ACACA: variants seen among roughly 807,000 people sequenced by gnomAD.
The protein encoded by ACACA is acetyl-CoA carboxylase alpha.
Under a neutral mutation model 296.1 loss-of-function variants are expected in ACACA, and 103 were observed. The observed-to-expected ratio is 0.35, with a 90% CI of 0.30 to 0.41. The LOEUF (loss-of-function observed/expected upper bound fraction) is 0.41. Ranked by LOEUF, ACACA falls within the 10% of genes least tolerant of loss-of-function variation. The probability of loss-of-function intolerance (pLI) is 1.00; values close to 1 mark genes in which losing one functional copy is unlikely to be tolerated. For synonymous variants in ACACA, 953 were observed against 1,038.6 expected (o/e 0.92, Z 1.58); for missense variants, 1,554 against 2,989.7 (o/e 0.52, Z 11.20).
At chr17:37,157,492 T>A (rs945753602) in intron 42 of ACACA, among the ~76,000 whole-genome samples, 5 of 151,944 alleles carry the variant, frequency 3.3e-5, no homozygotes, top group Admixed American at 1.3e-4. Context: ...TGGAGAAAAA[T>A]TTTGTGATCT....
At chr17:37,239,371 T>C (rs949767545) in intron 24 of ACACA, among the ~76,000 whole-genome samples, 13 of 152,234 alleles carry the variant, frequency 8.5e-5, no homozygotes, top group African/African-American at 2.9e-4. Flanking sequence ...CTTTTCCTTG[T>C]CTTACTGCAC....
At chr17:37,308,017 C>T (rs887355453) in intron 3 of ACACA, among the ~76,000 whole-genome samples, 3 of 151,948 alleles carry the variant, frequency 2.0e-5, no homozygotes, top group African/African-American at 7.3e-5. Flanking sequence ...CCTATAATCA[C>T]CAACTGCAAC....
At chr17:37,247,581 G>A (rs1404642162) in intron 18 of ACACA, among the ~76,000 whole-genome samples, 1 of 151,966 alleles carries the variant, frequency 6.6e-6, no homozygotes, top group African/African-American at 2.4e-5. Context: ...TGGCCACACC[G>A]GTCTTGAACT....
chr17:37,314,197 G>A (rs1171019929), intron 3 of ACACA, among the ~76,000 whole-genome samples: 1 of 150,792 alleles, frequency 6.6e-6, no homozygotes, highest in Admixed American at 6.7e-5. Context: ...CTGCCTCACG[G>A]GTTCACACTA....
chr17:37,330,517 G>A, intron 2 of ACACA, 92 bp from the exon 3 acceptor site: 1 of 1,538,566 alleles, frequency 6.5e-7, no homozygotes, highest in Non-Finnish European at 8.9e-7. Context: ...AACCATAGCT[G>A]AGACGTGGAA....
rs146494298 is a variant in ACACA at position 37,198,962 on chromosome 17, G to A, written c.4158+1177C>T. On this transcript the variant is annotated intron_variant, in intron 35 of 55. Transcript: ENST00000616317. Reference sequence around the variant, plus strand: ...TTGCTAAAACCAAACCAAACAGGCTGGGCACAGTGGCTCATGCCTGTAATC... The same window carrying A: ...TTGCTAAAACCAAACCAAACAGGCTAGGCACAGTGGCTCATGCCTGTAATC... Among the ~76,000 whole-genome samples, 26 of 152,296 alleles carry A rather than the reference G, an allele frequency of 1.7e-4. No homozygotes were observed. The East Asian group carries it at 5.0e-3, about 29-fold the overall frequency.
At chr17:37,111,969 A>AAAATGCT (rs2073995614) in intron 51 of ACACA, among the ~76,000 whole-genome samples, 1 of 152,182 alleles carries the variant, frequency 6.6e-6, no homozygotes, top group African/African-American at 2.4e-5. Context: ...CCAGGGGAAA[A>AAAATGCT]AAATGCTGTA....
At chr17:37,279,889 A>G (rs1268442048) in intron 5 of ACACA, among the ~76,000 whole-genome samples, 2 of 152,084 alleles carry the variant, frequency 1.3e-5, no homozygotes, top group Non-Finnish European at 2.9e-5. Context: ...TATGTTTAAT[A>G]TTTTTTATGG....
chr17:37,386,101 G>A, intron 1 of ACACA: 1 of 1,588,476 alleles, frequency 6.3e-7, no homozygotes, highest in Non-Finnish European at 8.6e-7. Flanking sequence ...TGGGAATAAA[G>A]AAGGAGAGAA....
chr17:37,382,756 A>C (rs962449213), intron 1 of ACACA, among the ~76,000 whole-genome samples: 3 of 152,194 alleles, frequency 2.0e-5, no homozygotes, highest in Non-Finnish European at 2.9e-5. Context: ...GCTACTCAGG[A>C]GGCTGAGACA....
chr17:37,250,742 G>C (rs1194796529), intron 16 of ACACA, among the ~76,000 whole-genome samples: 5 of 151,940 alleles, frequency 3.3e-5, no homozygotes, highest in Non-Finnish European at 7.4e-5. Flanking sequence ...AAAAGGCCGG[G>C]CAGCCGGGCA....
At position 37,254,053 on chromosome 17, in the gene ACACA, C is replaced by T. The variant is rs1257529632; in HGVS notation, c.1827-1017G>A. ...ATATTTATGCCCAGTGTCTATCCTGCACGGGACAGGTACTTACTTCCACAA... is the reference window on the plus strand; with the variant it reads ...ATATTTATGCCCAGTGTCTATCCTGTACGGGACAGGTACTTACTTCCACAA... On this transcript the variant is annotated intron_variant, in intron 14 of 55. Coordinates refer to ENST00000616317, the MANE Select transcript of ACACA (RefSeq NM_198834.3). Among the ~76,000 whole-genome samples, 3 of 152,302 alleles carry T rather than the reference C, an allele frequency of 2.0e-5. No individual in the cohort carries two copies. The East Asian group carries it at 5.8e-4, about 29-fold the overall frequency.
chr17:37,207,687 A>G lies in ACACA; in HGVS notation c.3821T>C (p.Val1274Ala). The change falls in exon 31 of 56, where the codon GTC becomes GCC. Residue 1274 changes from valine (V) to alanine (A), a missense_variant. By Grantham distance (64) the Val-to-Ala change is moderately conservative. Transcript: ENST00000616317. ...AAAATCTTCAAAAGTCCGAAAAGAGACCATTCCGCCCATCCGCTGACAAGG... is the reference window on the plus strand; with the variant it reads ...AAAATCTTCAAAAGTCCGAAAAGAGGCCATTCCGCCCATCCGCTGACAAGG... The part of the protein sequence containing the change: ...TPPCQRMGGM[V>A]SFRTFEDFVR... 1 of 1,614,050 alleles carries G rather than the reference A, an allele frequency of 6.2e-7. No individual in the cohort carries two copies. The highest frequency in any genetic ancestry group is 1.1e-5 in the South Asian group (1 of 91,070).
intron 29 of ACACA, among the ~76,000 whole-genome samples, chr17:37,213,579 A>G (rs1193530021): frequency 1.3e-5 from 2 of 152,194 alleles, no homozygotes; most frequent in African/African-American, 4.8e-5. Context: ...ACCAAAGAGG[A>G]TGCTTTCCAA....
intron 3 of ACACA, among the ~76,000 whole-genome samples, chr17:37,311,114 A>G (rs2084118325): frequency 6.6e-6 from 1 of 152,206 alleles, no homozygotes; most frequent in South Asian, 2.1e-4. Flanking sequence ...TTACGAGAGC[A>G]GTTTCAATAG....
At chr17:37,290,543 C>A (rs2082998394) in intron 3 of ACACA, among the ~76,000 whole-genome samples, 1 of 152,170 alleles carries the variant, frequency 6.6e-6, no homozygotes, top group African/African-American at 2.4e-5. Context: ...GATTAGGTAA[C>A]TTGCCCATGA....
chr17:37,304,530 C>G (rs34732750), intron 3 of ACACA, among the ~76,000 whole-genome samples: 2 of 152,160 alleles, frequency 1.3e-5, no homozygotes, highest in African/African-American at 4.8e-5. Flanking sequence ...CGCGGTGGCT[C>G]ATGCCTATAA....
intron 30 of ACACA, 67 bp downstream of exon 30, chr17:37,210,399 TC>T: frequency 1.4e-6 from 2 of 1,441,176 alleles, no homozygotes; most frequent in African/African-American, 1.4e-5. Flanking sequence ...GTTTTTTTTT[TC>T]CTGGTTTCAC....
At position 37,091,894 on chromosome 17, in the gene ACACA, T is replaced by G. The variant is rs373936114; in HGVS notation, c.6892-2820A>C. 6.6e-5 allele frequency among the ~76,000 whole-genome samples: 10 copies of G among 152,218 alleles called. No individual in the cohort carries two copies. The South Asian group carries it at 2.1e-3, about 32-fold the overall frequency. ...CCCAGCCAGAGCCTACAGTTTCTTG[T>G]TTGCTCCCTTAGAACAGTTGTAAGA... On this transcript the variant is annotated intron_variant, in intron 54 of 55. Coordinates refer to ENST00000616317, the MANE Select transcript of ACACA (RefSeq NM_198834.3).
Sources: gnomAD v4.1 joint callset for allele counts (sites outside exome capture counted in the v4.1 genomes callset) on GRCh38, gnomAD v4.1.1 for gene constraint, MANE v1.5 for transcripts, NCBI Gene and HGNC (gene_info 2026-07-23, HGNC 2026-07-21) for gene names.